Variants in FAM217A observed in about 807,000 individuals in gnomAD.
The protein encoded by FAM217A is family with sequence similarity 217 member A, also known as protein FAM217A.
In FAM217A, 13 loss-of-function variants were observed where a neutral mutation model predicts 18.5. The observed-to-expected ratio is 0.70, with a 90% CI of 0.46 to 1.12. FAM217A has a LOEUF of 1.12. Among genes scored for constraint, FAM217A ranks in the 50% most tolerant of loss-of-function variants. FAM217A has a pLI of 0.00. For synonymous variants in FAM217A, 161 were observed against 202.8 expected, an observed-to-expected ratio of 0.79 and a Z score of 1.75; for missense variants, 560 against 575.4, an observed-to-expected ratio of 0.97 and a Z score of 0.27.
chr6:4,075,624 CAG>C (rs1204185133), intron 2 of FAM217A, among the ~76,000 whole-genome samples: 1 of 152,078 alleles, frequency 6.6e-6, no homozygotes, highest in Non-Finnish European at 1.5e-5. Flanking sequence ...TTCTGGAAAA[CAG>C]AAAGTGAAGA....
chr6:4,079,745 C>T (rs956870836), upstream of FAM217A: 2 of 945,628 alleles, frequency 2.1e-6, no homozygotes, highest in Non-Finnish European at 2.8e-6. Context: ...TATATCTATG[C>T]TTGTACAATA....
intron 1 of FAM217A, among the ~76,000 whole-genome samples, chr6:4,086,446 CAAAAAAA>C (rs60309347): frequency 1.3e-3 from 98 of 76,886 alleles, no homozygotes; most frequent in African/African-American, 3.8e-3. Context: ...AACTCTGTCT[CAAAAAAA>C]AAAAAAAAAA....
intron 2 of FAM217A, among the ~76,000 whole-genome samples, chr6:4,076,328 CA>C (rs1220728827): frequency 1.4e-5 from 1 of 71,760 alleles, no homozygotes. Context: ...GACTCCGTCT[CA>C]AAAAAAAAGA....
upstream of FAM217A, among the ~76,000 whole-genome samples, chr6:4,081,302 TTTTA>T (rs142562684): frequency 0.098 from 14,931 of 152,098 alleles, 808 homozygotes; most frequent in Middle Eastern, 0.24. Context: ...TATTTTTAAT[TTTTA>T]TTTATTTATT....
chr6:4,070,931 G>A (rs1474553300), intron 6 of FAM217A, among the ~76,000 whole-genome samples: 1 of 152,014 alleles, frequency 6.6e-6, no homozygotes, highest in African/African-American at 2.4e-5. Flanking sequence ...CAGAGGTTGA[G>A]GCTGCAGTAA....
At chr6:4,081,262 G>C (rs1770276445), upstream of FAM217A, among the ~76,000 whole-genome samples, 2 of 152,010 alleles carry the variant, frequency 1.3e-5, no homozygotes, top group African/African-American at 4.8e-5. Flanking sequence ...CAATGAAGCA[G>C]GTACCACCAG....
chr6:4,084,649 T>G (rs895755719), exon 2 of FAM217A: 9 of 702,904 alleles, frequency 1.3e-5, no homozygotes, highest in Non-Finnish European at 2.1e-5. Flanking sequence ...TCATTTGTTG[T>G]GAACAGAACA....
chr6:4,082,954 A>G (rs957441864), upstream of FAM217A, among the ~76,000 whole-genome samples: 1 of 152,200 alleles, frequency 6.6e-6, no homozygotes, highest in Non-Finnish European at 1.5e-5. Context: ...TTTTTCAGCA[A>G]ATCTTCAGAG....
At chr6:4,079,615 C>T, upstream of FAM217A, 1 of 1,288,514 alleles carries the variant, frequency 7.8e-7, no homozygotes, top group Non-Finnish European at 1.0e-6. Flanking sequence ...GGACCCGGGG[C>T]CCGGCCCACC....
chr6:4,069,497 T>C lies in FAM217A; in HGVS notation c.726A>G (p.Pro242=), dbSNP rs1286276381. The change falls in exon 7 of 7, where the codon CCA becomes CCG. Residue 242 remains proline, a synonymous_variant. Coordinates refer to ENST00000274673, the MANE Select transcript of FAM217A (RefSeq NM_173563.3). ...KNVEEPFTEE[P]NEVFPYPDFL... ...AATCAGGATATGGAAATACTTCATT[T>C]GGCTCCTCGGTGAAAGGTTCCTCAA... 1 of 1,614,206 alleles carries C rather than the reference T, an allele frequency of 6.2e-7. No individual in the cohort carries two copies. The highest frequency in any genetic ancestry group is 8.5e-7 in the Non-Finnish European group (1 of 1,180,032).
At chr6:4,086,083 A>G (rs911681067) in intron 1 of FAM217A, among the ~76,000 whole-genome samples, 5 of 151,882 alleles carry the variant, frequency 3.3e-5, no homozygotes, top group Admixed American at 2.0e-4. Context: ...CCTGGGCCAC[A>G]GAGCAAAATT....
At chr6:4,082,966 G>A (rs566680831), upstream of FAM217A, among the ~76,000 whole-genome samples, 75 of 152,230 alleles carry the variant, frequency 4.9e-4, no homozygotes, top group African/African-American at 1.6e-3. Flanking sequence ...TCTTCAGAGG[G>A]CCAAACCCTT....
intron 1 of FAM217A, 26 bp from the exon 2 acceptor site, chr6:4,077,474 T>C: frequency 2.6e-6 from 4 of 1,535,158 alleles, no homozygotes; most frequent in Non-Finnish European, 3.6e-6. Context: ...GATAGGCACA[T>C]TTATGGGTAA....
intron 2 of FAM217A, among the ~76,000 whole-genome samples, chr6:4,075,217 C>A (rs1769700921): frequency 1.3e-5 from 2 of 152,086 alleles, no homozygotes; most frequent in African/African-American, 4.8e-5. Flanking sequence ...ACCTGTAATC[C>A]CAGCTGTTCG....
rs756283867 is a variant in FAM217A at position 4,069,074 on chromosome 6, T to A, written c.1149A>T (p.Pro383=). 1 of 1,614,174 alleles carries A rather than the reference T, an allele frequency of 6.2e-7. No homozygotes were observed. Among genetic ancestry groups the A allele is most frequent in the South Asian group, 1.1e-5 (1 of 91,072 alleles). The change falls in exon 7 of 7, where the codon CCA becomes CCT. Residue 383 remains proline, a synonymous_variant. Transcript: ENST00000274673. The part of the protein sequence containing the change: ...NAGKYRWNSR[P]LSLKSSSTPK... Reference sequence around the variant, plus strand: ...GGGTGGAAGAACTTTTTAGAGACAGTGGTCTAGAATTCCATCTATATTTGC... The same window carrying A: ...GGGTGGAAGAACTTTTTAGAGACAGAGGTCTAGAATTCCATCTATATTTGC...
chr6:4,073,577 G>A, intron 4 of FAM217A, 70 bp from the exon 5 acceptor site: 1 of 1,226,984 alleles, frequency 8.2e-7, no homozygotes, highest in South Asian at 1.4e-5. Flanking sequence ...ACAATGTATA[G>A]TTCTTGTTCT....
intron 1 of FAM217A, among the ~76,000 whole-genome samples, chr6:4,086,512 T>C (rs1770675920): frequency 6.6e-6 from 1 of 151,722 alleles, no homozygotes; most frequent in African/African-American, 2.4e-5. Flanking sequence ...TGGAATTTTA[T>C]ATCTGCCACT....
In FAM217A at chr6:4,068,832, C is replaced by T; in HGVS notation, c.1391G>A (p.Arg464Lys). The T allele has an allele frequency of 6.2e-7, 1 of 1,614,164 alleles. No homozygotes were observed. The highest frequency in any genetic ancestry group is 1.1e-5 in the South Asian group (1 of 91,086). Residue 464 changes from arginine to lysine, a missense_variant, in exon 7 of 7, where the codon AGA becomes AAA. Arg to Lys is a conservative substitution (Grantham distance 26). Coordinates refer to ENST00000274673, the MANE Select transcript of FAM217A (RefSeq NM_173563.3). ...NQKEEIKAPKRNFGTKKKLYR... is the reference protein window; with the variant it reads ...NQKEEIKAPKKNFGTKKKLYR... The stretch of plus-strand genomic sequence containing the variant: ...AAGTTTCTTTTTGGTCCCAAAGTTT[C>T]TCTTCGGTGCCTTAATTTCTTCCTT...
chr6:4,080,532 C>T (rs1770218193), upstream of FAM217A, among the ~76,000 whole-genome samples: 1 of 151,728 alleles, frequency 6.6e-6, no homozygotes, highest in African/African-American at 2.4e-5. Flanking sequence ...TTGTGCAGGC[C>T]TCATTCCTTG....
Sources: gnomAD v4.1 joint callset for allele counts (sites outside exome capture counted in the v4.1 genomes callset) on GRCh38, gnomAD v4.1.1 for gene constraint, MANE v1.5 for transcripts, NCBI Gene and HGNC (gene_info 2026-07-23, HGNC 2026-07-21) for gene names.